Variants in SLC25A13 observed in about 807,000 individuals in gnomAD.
The protein encoded by SLC25A13 is solute carrier family 25 member 13, also known as electrogenic aspartate/glutamate antiporter SLC25A13, mitochondrial.
In SLC25A13, 70 loss-of-function variants were observed where a neutral mutation model predicts 85.5. That is an observed-to-expected ratio of 0.82 (90% CI 0.68 to 1.00). The LOEUF (loss-of-function observed/expected upper bound fraction) is 1.00, where lower values mean the gene tolerates loss of function less well. Ranked by LOEUF, SLC25A13 falls within the 50% of genes least tolerant of loss-of-function variation. The pLI is 0.00. For missense variants in SLC25A13, 765 were observed against 819.8 expected (o/e 0.93, Z 0.82); for synonymous variants, 259 against 288.7 (o/e 0.90, Z 1.04).
intron 3 of SLC25A13, among the ~76,000 whole-genome samples, chr7:96,241,103 A>AAAGAAAGG (rs1491256244): frequency 3.2e-4 from 45 of 140,756 alleles, no homozygotes; most frequent in African/African-American, 1.0e-3. Flanking sequence ...AGAAAGAAAG[A>AAAGAAAGG]AAGGCACTTT....
Position 96,230,786 on chromosome 7 carries a change from T to C in SLC25A13, c.328+4016A>G, listed in dbSNP as rs916034695. On this transcript the variant is annotated intron_variant, in intron 4 of 17. Transcript: ENST00000265631. The stretch of plus-strand genomic sequence containing the variant: ...GAAACTGGACCCCTTCCTTACGCCA[T>C]ATACAAAAATAAACTTGAAATGGAT... Among the ~76,000 whole-genome samples the C allele has an allele frequency of 3.9e-5, 6 of 152,300 alleles. No homozygotes were observed. In the East Asian group the frequency reaches 7.7e-4, roughly 20 times the overall value.
chr7:96,288,389 G>T (rs531342506), intron 2 of SLC25A13, among the ~76,000 whole-genome samples: 1 of 152,340 alleles, frequency 6.6e-6, no homozygotes, highest in East Asian at 1.9e-4. Flanking sequence ...GAGGCACCAG[G>T]GTCATCTCAC....
chr7:96,146,681 C>T lies in SLC25A13; in HGVS notation c.1327G>A (p.Val443Met), dbSNP rs1485527456. The T allele has an allele frequency of 1.9e-6, 3 of 1,613,886 alleles. No individual in the cohort carries two copies. The highest frequency in any genetic ancestry group is 4.5e-5 in the East Asian group (2 of 44,880). ...ATTTCTAAAGGATTTGTGAAAATCACCTGGGAGCCTCCAGCCTAAAAAGAA... is the reference window on the plus strand; with the variant it reads ...ATTTCTAAAGGATTTGTGAAAATCATCTGGGAGCCTCCAGCCTAAAAAGAA... ...LAGGCAGGSQVIFTNPLEIVK... is the reference protein window; with the variant it reads ...LAGGCAGGSQMIFTNPLEIVK... Residue 443 changes from valine to methionine, a missense_variant, in exon 14 of 18, where the codon GTG (valine) becomes ATG (methionine). Val to Met is a conservative substitution (Grantham distance 21). Coordinates refer to ENST00000265631, the MANE Select transcript of SLC25A13 (RefSeq NM_014251.3).
rs550674922 is a variant in SLC25A13, at chr7:96,140,932, T to C, written c.1452+5624A>G. On this transcript the variant is annotated intron_variant, in intron 14 of 17. Coordinates refer to ENST00000265631, the MANE Select transcript of SLC25A13 (RefSeq NM_014251.3). ...TGGAGAAATATCTATTCTAGTCCTT[T>C]GCTCATTTTTAAAATCAGCTTCTTT... 1.3e-4 allele frequency among the ~76,000 whole-genome samples: 20 copies of C among 152,174 alleles called. No homozygotes were observed. The South Asian group carries it at 3.5e-3, about 27-fold the overall frequency.
chr7:96,247,969 A>T, intron 3 of SLC25A13, among the ~76,000 whole-genome samples: 1 of 151,838 alleles, frequency 6.6e-6, no homozygotes, highest in East Asian at 1.9e-4. Flanking sequence ...AAAAAAAAAA[A>T]AAAAAGAAAG....
intron 3 of SLC25A13, among the ~76,000 whole-genome samples, chr7:96,239,037 TTATATATATATATATA>T (rs58990918): frequency 6.1e-5 from 8 of 130,888 alleles, no homozygotes; most frequent in African/African-American, 2.4e-4. Flanking sequence ...ACTATATATT[TTATATATATATATATA>T]TATATATATA....
At chr7:96,164,780 A>T (rs1290979823) in intron 13 of SLC25A13, among the ~76,000 whole-genome samples, 2 of 150,804 alleles carry the variant, frequency 1.3e-5, no homozygotes, top group African/African-American at 4.9e-5. Context: ...GGCAATTCTC[A>T]AAAATTAGAA....
intron 1 of SLC25A13, among the ~76,000 whole-genome samples, chr7:96,310,402 T>C (rs1361997330): frequency 6.6e-6 from 1 of 152,228 alleles, no homozygotes; most frequent in East Asian, 1.9e-4. Flanking sequence ...TTAAATATTT[T>C]TGGCAAGAAC....
chr7:96,217,917 A>AAAC lies in SLC25A13; in HGVS notation c.329-8943_329-8941dup, dbSNP rs1554356764. Among the ~76,000 whole-genome samples, 95 of 151,766 alleles carry AAAC rather than the reference A, an allele frequency of 6.3e-4. 2 individuals carry two copies. Among genetic ancestry groups the AAAC allele is most frequent in the African/African-American group, 2.2e-3 (91 of 41,298 alleles). On this transcript the variant is annotated intron_variant, in intron 4 of 17. Transcript: ENST00000265631. The stretch of plus-strand genomic sequence containing the variant: ...GCTTTCTCTGAAAAAAAAAAACAAA[A>AAAC]AACACCTAGAACTGTCAGAGATCTG...
chr7:96,298,439 T>C (rs903619546), intron 1 of SLC25A13, among the ~76,000 whole-genome samples: 13 of 152,138 alleles, frequency 8.5e-5, no homozygotes, highest in African/African-American at 3.1e-4. Context: ...TAATACTTTT[T>C]TTTTTTTCTT....
intron 1 of SLC25A13, among the ~76,000 whole-genome samples, chr7:96,299,870 G>C (rs1367238796): frequency 6.6e-6 from 1 of 152,086 alleles, no homozygotes; most frequent in Admixed American, 6.6e-5. Flanking sequence ...GATTACTGTA[G>C]GCAACTGTAA....
At chr7:96,180,002 C>G (rs1794358225) in intron 11 of SLC25A13, among the ~76,000 whole-genome samples, 1 of 152,206 alleles carries the variant, frequency 6.6e-6, no homozygotes, top group Admixed American at 6.5e-5. Flanking sequence ...AAACTTCCCT[C>G]TGCAATATAA....
intron 13 of SLC25A13, among the ~76,000 whole-genome samples, chr7:96,164,283 C>T (rs1405271484): frequency 1.3e-5 from 2 of 152,176 alleles, no homozygotes; most frequent in African/African-American, 2.4e-5. Flanking sequence ...ATGTGGAGAA[C>T]CTGTTCCCCC....
intron 11 of SLC25A13, among the ~76,000 whole-genome samples, chr7:96,177,257 T>C (rs762333399): frequency 3.9e-5 from 6 of 152,190 alleles, no homozygotes; most frequent in Non-Finnish European, 7.3e-5. Context: ...TGAGAGCACA[T>C]GTGGTCTGGA....
intron 13 of SLC25A13, among the ~76,000 whole-genome samples, chr7:96,151,770 C>T (rs550611607): frequency 6.6e-6 from 1 of 151,616 alleles, no homozygotes; most frequent in Non-Finnish European, 1.5e-5. Flanking sequence ...TGGCTAAACC[C>T]CATCTCTACT....
intron 3 of SLC25A13, among the ~76,000 whole-genome samples, chr7:96,259,817 A>G (rs909348302): frequency 6.6e-6 from 1 of 152,214 alleles, no homozygotes; most frequent in East Asian, 1.9e-4. Flanking sequence ...ATGCTCGTCA[A>G]TGACAGACTG....
At chr7:96,189,715 A>T in intron 7 of SLC25A13, 41 bp from the exon 8 acceptor site, 1 of 1,524,708 alleles carries the variant, frequency 6.6e-7, no homozygotes, top group Non-Finnish European at 9.1e-7. Flanking sequence ...TTCAAGAAGA[A>T]ATAGCCACTA....
intron 11 of SLC25A13, among the ~76,000 whole-genome samples, chr7:96,174,066 A>C (rs1006305023): frequency 1.3e-5 from 2 of 152,226 alleles, no homozygotes; most frequent in African/African-American, 4.8e-5. Flanking sequence ...GAGAATGTGG[A>C]GCAAAAGGAA....
chr7:96,201,981 G>A (rs1417386945), intron 5 of SLC25A13, among the ~76,000 whole-genome samples: 1 of 152,154 alleles, frequency 6.6e-6, no homozygotes, highest in African/African-American at 2.4e-5. Context: ...TCACCCGGGA[G>A]CAGCAGACTT....
Sources: allele counts gnomAD v4.1 joint callset (sites outside exome capture counted in the v4.1 genomes callset), GRCh38; gene constraint gnomAD v4.1.1; transcripts MANE v1.5; gene names NCBI Gene and HGNC (gene_info 2026-07-23, HGNC 2026-07-21).